Variants in PYGB observed in about 807,000 individuals in gnomAD.
The protein encoded by PYGB is glycogen phosphorylase B, also known as glycogen phosphorylase, brain form.
A neutral mutation model predicts 94.3 loss-of-function variants in PYGB; 82 were observed. The ratio of observed to expected loss-of-function variants is 0.87; its 90% CI spans 0.73 to 1.04. PYGB has a LOEUF of 1.04. Among genes scored for constraint, PYGB ranks in the 50% least tolerant of loss-of-function variants. The pLI is 0.00. For missense variants in PYGB, 1,132 were observed against 1,158.2 expected (o/e 0.98, Z 0.33); for synonymous variants, 488 against 479.1 (o/e 1.02, Z -0.24).
chr20:25,264,665 T>G (rs934824059), intron 2 of PYGB, among the ~76,000 whole-genome samples: 4 of 152,244 alleles, frequency 2.6e-5, no homozygotes, highest in South Asian at 2.1e-4. Context: ...ATGAGTGAAC[T>G]CCCATTCACA....
chr20:25,277,556 C>T (rs1006071268), intron 7 of PYGB, among the ~76,000 whole-genome samples: 1 of 152,186 alleles, frequency 6.6e-6, no homozygotes, highest in Non-Finnish European at 1.5e-5. Context: ...CTCTGTGGTC[C>T]TCTCTCCGAG....
At chr20:25,265,981 C>A (rs763900007) in intron 2 of PYGB, among the ~76,000 whole-genome samples, 3 of 152,054 alleles carry the variant, frequency 2.0e-5, no homozygotes, top group African/African-American at 4.8e-5. Flanking sequence ...TATTTTCTCC[C>A]ATTCTATGGC....
intron 19 of PYGB, 93 bp downstream of exon 19, chr20:25,295,763 T>C (rs1180012531): frequency 7.1e-7 from 1 of 1,408,900 alleles, no homozygotes; most frequent in Non-Finnish European, 1.0e-6. Flanking sequence ...GCTGAGTAGA[T>C]TCTTGGCCTG....
intron 16 of PYGB, among the ~76,000 whole-genome samples, 172 bp downstream of exon 16, chr20:25,290,794 G>C (rs2145899036): frequency 6.6e-6 from 1 of 152,320 alleles, no homozygotes; most frequent in Non-Finnish European, 1.5e-5. Flanking sequence ...TCCCCGTGCA[G>C]TGCGGAGGAC....
chr20:25,290,656 C>A (rs750102446), intron 16 of PYGB, 34 bp downstream of exon 16: 10 of 1,585,256 alleles, frequency 6.3e-6, no homozygotes, highest in Non-Finnish European at 8.7e-6. Flanking sequence ...ACAGAAAACT[C>A]ACTCCTGCCG....
rs556402619 is a variant in PYGB at position 25,279,759 on chromosome 20, ATTTTT to A, written c.1093-503_1093-499del. On this transcript the variant is annotated intron_variant, in intron 9 of 19. Coordinates refer to ENST00000216962, the MANE Select transcript of PYGB (RefSeq NM_002862.4). ...TAAAACCAAAAGAAACCATAAAACG[ATTTTT>A]TTTAACTCCGTTTTGTAGAAACCCA... Among the ~76,000 whole-genome samples the A allele has an allele frequency of 1.2e-3, 175 of 151,800 alleles. 2 individuals carry two copies. The highest frequency in any genetic ancestry group is 4.0e-3 in the African/African-American group (165 of 41,370).
chr20:25,275,421 G>A (rs974942481), intron 5 of PYGB, among the ~76,000 whole-genome samples: 2 of 152,266 alleles, frequency 1.3e-5, no homozygotes, highest in Admixed American at 6.5e-5. Flanking sequence ...GAGGCTGCAG[G>A]AGAACGTGGG....
intron 2 of PYGB, among the ~76,000 whole-genome samples, chr20:25,260,650 C>T (rs114232378): frequency 8.7e-4 from 133 of 152,186 alleles, no homozygotes; most frequent in African/African-American, 3.1e-3. Context: ...GCCCACCGAG[C>T]GTGAGAGCAT....
At chr20:25,289,559 C>G (rs2088447274) in intron 15 of PYGB, among the ~76,000 whole-genome samples, 1 of 151,586 alleles carries the variant, frequency 6.6e-6, no homozygotes, top group African/African-American at 2.4e-5. Context: ...GTAGGAGGAT[C>G]GATTGTCCTG....
chr20:25,293,142 A>AGTGGGGGGGATGGGGGGGTTGGGGG (rs2088487218), intron 17 of PYGB, among the ~76,000 whole-genome samples: 1 of 15,460 alleles, frequency 6.5e-5, no homozygotes, highest in African/African-American at 2.3e-4. Context: ...GGGGTGGGGG[A>AGTGGGGGGGATGGGGGGGTTGGGGG]GTGGGGGGGA....
chr20:25,292,379 ATCCCCTCCACGGGC>A lies in PYGB; in HGVS notation c.1970-16_1970-3del, dbSNP rs375536857. On this transcript the variant is annotated splice_polypyrimidine_tract_variant and intron_variant, in intron 16 of 19. Coordinates refer to ENST00000216962, the MANE Select transcript of PYGB (RefSeq NM_002862.4). ...TGAGGACATTGGGGTCCTCACAGTG[ATCCCCTCCACGGGC>A]TCCCCTCCACAGTGATCCCGGCCGC... is the stretch of plus-strand genomic sequence containing the variant. 944 of 1,610,036 alleles carry A rather than the reference ATCCCCTCCACGGGC, an allele frequency of 5.9e-4. 6 individuals are homozygous for A. In the African/African-American group the frequency reaches 0.012, roughly 20 times the overall value.
At chr20:25,286,560 C>G (rs961842343) in intron 14 of PYGB, among the ~76,000 whole-genome samples, 41 of 152,216 alleles carry the variant, frequency 2.7e-4, no homozygotes, top group African/African-American at 8.9e-4. Flanking sequence ...TGAGCTGGAT[C>G]ACCTGGGGCT....
At chr20:25,273,388 C>T (rs540340909) in intron 4 of PYGB, among the ~76,000 whole-genome samples, 10 of 152,166 alleles carry the variant, frequency 6.6e-5, no homozygotes, top group Non-Finnish European at 1.0e-4. Context: ...GAGGGGCCTC[C>T]GGAAGAGCAC....
chr20:25,275,007 C>T (rs2088298473), intron 5 of PYGB, among the ~76,000 whole-genome samples: 1 of 150,366 alleles, frequency 6.7e-6, no homozygotes, highest in South Asian at 2.1e-4. Flanking sequence ...AGCTGGGCGT[C>T]CACTCACAGC....
chr20:25,287,045 G>A (rs934725614), intron 14 of PYGB, among the ~76,000 whole-genome samples: 4 of 152,206 alleles, frequency 2.6e-5, no homozygotes, highest in Admixed American at 1.3e-4. Flanking sequence ...CCTCACCCAG[G>A]CCCGGCTCGC....
intron 1 of PYGB, among the ~76,000 whole-genome samples, chr20:25,250,739 CTG>C (rs1179750692): frequency 9.9e-5 from 15 of 152,138 alleles, no homozygotes; most frequent in African/African-American, 3.6e-4. Flanking sequence ...ACACTGCAGA[CTG>C]TGGTAATGTG....
At chr20:25,261,260 C>T (rs7274130) in intron 2 of PYGB, among the ~76,000 whole-genome samples, 7,329 of 152,250 alleles carry the variant, frequency 0.048, 186 homozygotes, top group Middle Eastern at 0.11. Flanking sequence ...CTCACACAGC[C>T]GGGTGCCCCT....
At position 25,280,249 on chromosome 20, in the gene PYGB, A is replaced by AT; in HGVS notation, c.1093-15dup. ...TGTTTCTAAACAAACACATGGGAACATTCTCTAATGGCCTAGGCCTGGGAA... is the reference window on the plus strand; with the variant it reads ...TGTTTCTAAACAAACACATGGGAACATTTCTCTAATGGCCTAGGCCTGGGAA... On this transcript the variant is annotated splice_polypyrimidine_tract_variant and intron_variant, in intron 9 of 19. Coordinates refer to ENST00000216962, the MANE Select transcript of PYGB (RefSeq NM_002862.4). 1 of 1,612,688 alleles carries AT rather than the reference A, an allele frequency of 6.2e-7. No homozygotes were observed. Among genetic ancestry groups the AT allele is most frequent in the Middle Eastern group, 1.7e-4 (1 of 6,052 alleles).
In PYGB at chr20:25,290,541, G is replaced by A. The variant is rs149134071; in HGVS notation, c.1888G>A (p.Val630Ile). ...IIKLVTSIGD[V>I]VNHDPVVGDR... ...CAAGTTGGTCACCTCCATCGGCGAC[G>A]TCGTCAATCATGACCCAGTTGTGGG... is the stretch of plus-strand genomic sequence containing the variant. Residue 630 changes from valine (V) to isoleucine (I), a missense_variant, in exon 16 of 20, where the codon GTC becomes ATC. Transcript: ENST00000216962. 14 of 1,611,734 alleles carry A rather than the reference G, an allele frequency of 8.7e-6. No individual in the cohort carries two copies. The highest frequency in any genetic ancestry group is 2.2e-5 in the East Asian group (1 of 44,762).
Sources: allele counts gnomAD v4.1 joint callset (sites outside exome capture counted in the v4.1 genomes callset), GRCh38; gene constraint gnomAD v4.1.1; transcripts MANE v1.5; gene names NCBI Gene and HGNC (gene_info 2026-07-23, HGNC 2026-07-21).